Variants in SCHIP1 observed in about 807,000 individuals in gnomAD.
SCHIP1 encodes the protein schwannomin interacting protein 1.
A neutral mutation model predicts 29.7 loss-of-function variants in SCHIP1; 8 were observed. That is an observed-to-expected ratio of 0.27 (90% CI 0.16 to 0.49). The LOEUF is 0.49. Ranked by LOEUF, SCHIP1 falls within the 20% of genes least tolerant of loss-of-function variation. The pLI is 0.99. For synonymous variants in SCHIP1, 76 were observed against 94.9 expected (o/e 0.80, Z 1.16); for missense variants, 193 against 294.6 (o/e 0.66, Z 2.52).
chr3:159,589,324 T>C, the SCHIP1 span, among the ~76,000 whole-genome samples: 1 of 152,242 alleles, frequency 6.6e-6, no homozygotes, highest in African/African-American at 2.4e-5. Flanking sequence ...ATCCTGAGAC[T>C]TTGCTGAAGT....
the SCHIP1 span, among the ~76,000 whole-genome samples, chr3:159,612,875 A>T: frequency 1.3e-5 from 2 of 152,166 alleles, no homozygotes; most frequent in Admixed American, 1.3e-4. Flanking sequence ...GAGATAGATT[A>T]TTTTTCCCTT....
the SCHIP1 span, among the ~76,000 whole-genome samples, chr3:159,312,885 G>A: frequency 1.3e-5 from 2 of 152,122 alleles, no homozygotes; most frequent in Admixed American, 1.3e-4. Context: ...TTTCAACAGG[G>A]AAAAACAGAT....
At chr3:159,507,531 C>T in the SCHIP1 span, among the ~76,000 whole-genome samples, 1 of 152,182 alleles carries the variant, frequency 6.6e-6, no homozygotes, top group East Asian at 1.9e-4. Context: ...GAGAGGGCAT[C>T]CCTGTCTTGT....
the SCHIP1 span, among the ~76,000 whole-genome samples, chr3:159,392,556 GTGTT>G: frequency 4.6e-5 from 7 of 151,410 alleles, no homozygotes; most frequent in Admixed American, 2.6e-4. Flanking sequence ...AGAACATGCG[GTGTT>G]TGTTTGGTTT....
At chr3:159,702,781 A>G in the SCHIP1 span, among the ~76,000 whole-genome samples, 1 of 152,228 alleles carries the variant, frequency 6.6e-6, no homozygotes, top group Non-Finnish European at 1.5e-5. Flanking sequence ...TCCAAGGTTC[A>G]ACTATACCAA....
the SCHIP1 span, among the ~76,000 whole-genome samples, chr3:159,576,691 C>G: frequency 6.6e-6 from 1 of 152,078 alleles, no homozygotes; most frequent in African/African-American, 2.4e-5. Context: ...TCCTATGATC[C>G]TGGCTTTGTG....
the SCHIP1 span, among the ~76,000 whole-genome samples, chr3:159,738,997 T>A: frequency 2.6e-5 from 4 of 152,132 alleles, no homozygotes. Context: ...TAGTAGGGGT[T>A]TCAGCTGGGG....
chr3:159,839,972 C>T, exon 1 of SCHIP1: 1 of 1,426,840 alleles, frequency 7.0e-7, no homozygotes, highest in Non-Finnish European at 9.1e-7. Flanking sequence ...TTTCGGAGGG[C>T]TGGAGAGCAG....
At chr3:159,387,711 C>A in the SCHIP1 span, among the ~76,000 whole-genome samples, 6 of 152,144 alleles carry the variant, frequency 3.9e-5, no homozygotes, top group East Asian at 1.9e-4. Context: ...AAACACCATA[C>A]ATAAATAATT....
chr3:159,749,217 G>A, the SCHIP1 span, among the ~76,000 whole-genome samples: 1 of 152,150 alleles, frequency 6.6e-6, no homozygotes, highest in East Asian at 1.9e-4. Flanking sequence ...GTGGGGTAGC[G>A]GGGAGTTGGG....
the SCHIP1 span, among the ~76,000 whole-genome samples, chr3:159,469,914 TGA>T: frequency 6.6e-6 from 1 of 152,172 alleles, no homozygotes; most frequent in Non-Finnish European, 1.5e-5. Context: ...ATACTAGCCA[TGA>T]GAATTCAACA....
the SCHIP1 span, among the ~76,000 whole-genome samples, chr3:159,537,666 T>A: frequency 6.6e-6 from 1 of 152,072 alleles, no homozygotes; most frequent in South Asian, 2.1e-4. Context: ...ATCTACTACA[T>A]GAGTACAGCT....
chr3:159,378,507 G>A, the SCHIP1 span, among the ~76,000 whole-genome samples: 2,784 of 152,168 alleles, frequency 0.018, 209 homozygotes, highest in East Asian at 0.26. Flanking sequence ...CTGACCAATC[G>A]CACAGACAAA....
At chr3:159,770,448 G>A in the SCHIP1 span, among the ~76,000 whole-genome samples, 3 of 152,038 alleles carry the variant, frequency 2.0e-5, no homozygotes, top group Non-Finnish European at 2.9e-5. Context: ...TTGTAGAGAC[G>A]GGGTGTCACC....
the SCHIP1 span, among the ~76,000 whole-genome samples, chr3:159,371,935 G>A: frequency 3.3e-5 from 5 of 152,082 alleles, no homozygotes; most frequent in South Asian, 2.1e-4. Flanking sequence ...AAGGCCAACT[G>A]TATATGTACT....
At chr3:159,298,414 C>T in the SCHIP1 span, among the ~76,000 whole-genome samples, 4 of 152,138 alleles carry the variant, frequency 2.6e-5, no homozygotes, top group African/African-American at 9.7e-5. Flanking sequence ...ATACGTGTCA[C>T]CTACAGGCTC....
At chr3:159,657,560 G>A in the SCHIP1 span, among the ~76,000 whole-genome samples, 1 of 152,204 alleles carries the variant, frequency 6.6e-6, no homozygotes, top group Non-Finnish European at 1.5e-5. Flanking sequence ...AAGGCAACCG[G>A]TTTAGATTTT....
the SCHIP1 span, among the ~76,000 whole-genome samples, chr3:159,335,130 C>T: frequency 6.6e-6 from 1 of 151,950 alleles, no homozygotes; most frequent in South Asian, 2.1e-4. Flanking sequence ...GAACTCCTGA[C>T]CTTAAGTGAT....
the SCHIP1 span, among the ~76,000 whole-genome samples, chr3:159,622,077 G>A: frequency 2.6e-5 from 4 of 152,208 alleles, no homozygotes; most frequent in Admixed American, 1.3e-4. Flanking sequence ...AGAAGTGAAG[G>A]TGTAAATAGT....
Sources: gnomAD v4.1 joint callset for allele counts (sites outside exome capture counted in the v4.1 genomes callset) on GRCh38, gnomAD v4.1.1 for gene constraint, MANE v1.5 for transcripts, NCBI Gene and HGNC (gene_info 2026-07-23, HGNC 2026-07-21) for gene names.